The following PCM1 variants were observed in gnomAD, a reference collection of about 807,000 sequenced individuals.
PCM1 encodes pericentriolar material 1 protein.
In PCM1, 157 loss-of-function variants were observed where a neutral mutation model predicts 241.9. The observed-to-expected ratio is 0.65, with a 90% CI of 0.57 to 0.74. PCM1 has a LOEUF of 0.74. PCM1 is among the 30% of genes least tolerant of loss of function. The pLI is 0.00. For synonymous variants in PCM1, 1,085 were observed against 784.9 expected (o/e 1.38, Z -6.39); for missense variants, 3,478 against 2,360.1 (o/e 1.47, Z -9.81).
At chr8:17,951,359 A>G (rs748126769) in intron 8 of PCM1, among the ~76,000 whole-genome samples, 13 of 152,210 alleles carry the variant, frequency 8.5e-5, no homozygotes, top group Non-Finnish European at 7.3e-5. Context: ...ATATGGCCCA[A>G]CCACTTTGGA....
chr8:17,948,953 G>C (rs2064951597), intron 7 of PCM1, among the ~76,000 whole-genome samples: 1 of 152,148 alleles, frequency 6.6e-6, no homozygotes, highest in East Asian at 1.9e-4. Context: ...TTATAGAGAA[G>C]GAACTCTACA....
At chr8:18,011,642 A>G (rs1425123369) in intron 33 of PCM1, 25 bp from the exon 34 acceptor site, 2 of 1,575,592 alleles carry the variant, frequency 1.3e-6, no homozygotes, top group South Asian at 1.2e-5. Flanking sequence ...GAAATTTACT[A>G]AAAATTGTGT....
At chr8:17,923,725 G>T (rs1408107051) in intron 1 of PCM1, among the ~76,000 whole-genome samples, 2 of 152,132 alleles carry the variant, frequency 1.3e-5, no homozygotes, top group Non-Finnish European at 2.9e-5. Flanking sequence ...GATTTCCGCC[G>T]TCTCTGGTGC....
rs78791933 is a variant in PCM1, at chr8:17,953,246, A to G, written c.1288+60A>G. ...GACACACAAGTATATATACTGTCACATAATAAATTTAGTATTTGGTGAATG... is the reference window on the plus strand; with the variant it reads ...GACACACAAGTATATATACTGTCACGTAATAAATTTAGTATTTGGTGAATG... On this transcript the variant is annotated intron_variant, in intron 9 of 38. Coordinates refer to ENST00000325083, the MANE Select transcript of PCM1 (RefSeq NM_006197.4). 3,858 of 784,082 alleles carry G rather than the reference A, an allele frequency of 4.9e-3. 76 individuals are homozygous for G. Among genetic ancestry groups the G allele is most frequent in the African/African-American group, 0.042 (2,429 of 57,594 alleles). 48.6% of individuals were successfully genotyped at this position (784,082 alleles called of 1,614,324 possible).
intron 25 of PCM1, 108 bp from the exon 26 acceptor site, chr8:17,985,851 A>G (rs1276921484): frequency 7.3e-6 from 6 of 819,574 alleles, no homozygotes; most frequent in African/African-American, 5.3e-5. Context: ...GTGAGGGTAG[A>G]AACAGTACAT....
At chr8:17,930,920 T>C (rs969809262) in intron 2 of PCM1, among the ~76,000 whole-genome samples, 3 of 152,120 alleles carry the variant, frequency 2.0e-5, no homozygotes, top group African/African-American at 7.2e-5. Flanking sequence ...ATTATTTCTT[T>C]AGCTTCATAC....
In PCM1 at chr8:18,029,169, A is replaced by AG; in HGVS notation, c.*1507_*1508insG. 1 of 185,334 alleles carries AG rather than the reference A, an allele frequency of 5.4e-6. No individual in the cohort carries two copies. The highest frequency in any genetic ancestry group is 8.4e-5 in the East Asian group (1 of 11,908). 11.5% of individuals were successfully genotyped at this position (185,334 alleles called of 1,614,324 possible). A position where few individuals can be genotyped will look rare whatever the true frequency, so the allele number is the denominator to read the frequency against. ...GAGACTCTGTCTCAAAAAAAAAAAA[A>AG]AAAAAAAAAAAAAGTTAACTTGCTG... On this transcript the variant is annotated 3_prime_UTR_variant, in exon 39 of 39. Transcript: ENST00000325083.
intron 29 of PCM1, among the ~76,000 whole-genome samples, chr8:17,995,960 T>C (rs1350780794): frequency 6.6e-6 from 1 of 152,084 alleles, no homozygotes; most frequent in Non-Finnish European, 1.5e-5. Context: ...AAGTATAAGA[T>C]TATATATATA....
chr8:17,960,500 C>T, intron 15 of PCM1, 56 bp downstream of exon 15: 7 of 1,253,744 alleles, frequency 5.6e-6, no homozygotes, highest in Non-Finnish European at 6.7e-6. Flanking sequence ...AACCTTAGGT[C>T]AACTGAAAGT....
rs1015185636 is a variant in PCM1 at position 18,029,932 on chromosome 8, A to G, written c.*2270A>G. 1 of 183,930 alleles carries G rather than the reference A, an allele frequency of 5.4e-6. No homozygotes were observed. Among genetic ancestry groups the G allele is most frequent in the Non-Finnish European group, 1.2e-5 (1 of 86,652 alleles). The allele number at this position is 183,930 out of a possible 1,614,324, so 11.4% of individuals were successfully genotyped here. A position where few individuals can be genotyped will look rare whatever the true frequency, so the allele number is the denominator to read the frequency against. On this transcript the variant is annotated 3_prime_UTR_variant, in exon 39 of 39. Transcript: ENST00000325083. Reference sequence around the variant, plus strand: ...AAATGCTTTTTCACTGTTAATAAATATATATCCTGTATACAACCCTGAATT... The same window carrying G: ...AAATGCTTTTTCACTGTTAATAAATGTATATCCTGTATACAACCCTGAATT...
chr8:18,011,519 T>A, intron 33 of PCM1, 148 bp from the exon 34 acceptor site: 5 of 1,054,474 alleles, frequency 4.7e-6, no homozygotes, highest in Non-Finnish European at 6.7e-6. Flanking sequence ...ATCTAGACTT[T>A]CTGCACTGTA....
chr8:18,018,581 G>C (rs1588647556), intron 36 of PCM1, among the ~76,000 whole-genome samples: 2 of 152,084 alleles, frequency 1.3e-5, no homozygotes, highest in South Asian at 4.1e-4. Flanking sequence ...GGGAGGCCGA[G>C]GCGGGCGGAT....
At chr8:17,962,972 T>G in intron 16 of PCM1, 129 bp from the exon 17 acceptor site, 1 of 628,554 alleles carries the variant, frequency 1.6e-6, no homozygotes, top group Non-Finnish European at 2.7e-6. Flanking sequence ...TTCATGGACA[T>G]GTTAGTGTGA....
intron 36 of PCM1, chr8:18,015,831 G>C (rs918817586): frequency 6.6e-6 from 1 of 152,178 alleles, no homozygotes; most frequent in Non-Finnish European, 1.5e-5. Context: ...GGAGGTCCTG[G>C]GTAAGTCCCT....
At chr8:17,960,988 A>G (rs924711331) in intron 15 of PCM1, among the ~76,000 whole-genome samples, 11 of 152,146 alleles carry the variant, frequency 7.2e-5, no homozygotes, top group African/African-American at 2.7e-4. Flanking sequence ...GATTCAGAAC[A>G]TGTGTACTCA....
rs148674188 is a variant in PCM1, at chr8:17,971,586, TTGAA to T, written c.3585-739_3585-736del. On this transcript the variant is annotated intron_variant, in intron 22 of 38. Coordinates refer to ENST00000325083, the MANE Select transcript of PCM1 (RefSeq NM_006197.4). ...AAGGAGTGGAGAAATAAATTGCTAA[TTGAA>T]TGACCAATTGTATTCACCAAATTCT... Among the ~76,000 whole-genome samples, 1,129 of 152,316 alleles carry T rather than the reference TTGAA, an allele frequency of 7.4e-3. 12 individuals are homozygous for T. Among genetic ancestry groups the T allele is most frequent in the Middle Eastern group, 0.014 (4 of 294 alleles).
chr8:17,969,585 T>A lies in PCM1; in HGVS notation c.3421T>A (p.Phe1141Ile), dbSNP rs1163716314. ...TTGCTTTTACTGATTAGGTATGAAT[T>A]TCAGCCCTTTATTTCCTTCTAATTT... ...NFSSFAPGMN[F>I]SPLFPSNFGD... The change falls in exon 22 of 39, where the codon TTC becomes ATC. Residue 1141 changes from phenylalanine to isoleucine, a missense_variant. Phe to Ile is a conservative substitution (Grantham distance 21). Coordinates refer to ENST00000325083, the MANE Select transcript of PCM1 (RefSeq NM_006197.4). 1 of 1,602,872 alleles carries A rather than the reference T, an allele frequency of 6.2e-7. No homozygotes were observed.
intron 23 of PCM1, 82 bp downstream of exon 23, chr8:17,972,769 A>C (rs2077271771): frequency 2.5e-6 from 2 of 793,356 alleles, no homozygotes; most frequent in Non-Finnish European, 3.8e-6. Flanking sequence ...ATATAGTTTC[A>C]GTAAGGCTAG....
Position 17,994,571 on chromosome 8 carries a change from T to C in PCM1, c.4827+952T>C, listed in dbSNP as rs181630132. 5.9e-5 allele frequency among the ~76,000 whole-genome samples: 9 copies of C among 152,306 alleles called. No individual in the cohort carries two copies. The East Asian group carries it at 1.3e-3, about 23-fold the overall frequency. Reference sequence around the variant, plus strand: ...ACCCAGCAGTGGGATTGCTGGATCATATGGTAGCTCTTGCTGTATTTTCAG... The same window carrying C: ...ACCCAGCAGTGGGATTGCTGGATCACATGGTAGCTCTTGCTGTATTTTCAG... On this transcript the variant is annotated intron_variant, in intron 29 of 38. Transcript: ENST00000325083.
Sources: allele counts gnomAD v4.1 joint callset (sites outside exome capture counted in the v4.1 genomes callset), GRCh38; gene constraint gnomAD v4.1.1; transcripts MANE v1.5; gene names NCBI Gene and HGNC (gene_info 2026-07-23, HGNC 2026-07-21).